Variants in MSN observed in about 807,000 individuals in gnomAD.
The protein encoded by MSN is epididymis luminal protein 70.
MSN carries 2 observed loss-of-function variants against 48.0 expected under a neutral mutation model. The ratio of observed to expected loss-of-function variants is 0.04; its 90% CI spans 0.02 to 0.13. The LOEUF is 0.13. Ranked by LOEUF, MSN falls within the 10% of genes least tolerant of loss-of-function variation. MSN has a pLI of 1.00. For synonymous variants in MSN, 146 were observed against 166.9 expected (o/e 0.87, Z 0.97); for missense variants, 267 against 470.1 (o/e 0.57, Z 3.99).
intron 1 of MSN, among the ~76,000 whole-genome samples, chrX:65,658,353 A>G (rs1478956013): frequency 1.8e-5 from 2 of 111,788 alleles, no homozygotes; most frequent in African/African-American, 6.5e-5. Context: ...CCCCAAGCTG[A>G]TATTTTTTCT....
intron 1 of MSN, among the ~76,000 whole-genome samples, chrX:65,707,228 G>C (rs759022832): frequency 2.7e-5 from 3 of 111,136 alleles, no homozygotes; most frequent in Non-Finnish European, 5.7e-5. Context: ...AGAGAACCCA[G>C]TTTGTTGAAG....
intron 1 of MSN, among the ~76,000 whole-genome samples, chrX:65,622,497 G>A (rs1171500696): frequency 9.6e-6 from 1 of 104,190 alleles, no homozygotes; most frequent in African/African-American, 3.6e-5. Context: ...CAGTGATGAA[G>A]CTAGGCATCT....
chrX:65,694,627 C>A (rs971201727), intron 1 of MSN, among the ~76,000 whole-genome samples: 33 of 112,381 alleles, frequency 2.9e-4, no homozygotes, highest in African/African-American at 9.1e-4. Flanking sequence ...CCACGCCCGG[C>A]ACTCTTTACG....
intron 1 of MSN, among the ~76,000 whole-genome samples, chrX:65,620,309 C>T (rs2070425818): frequency 8.9e-6 from 1 of 112,666 alleles, no homozygotes; most frequent in Admixed American, 9.3e-5. Flanking sequence ...CCCCCAGCCT[C>T]GCTGCCGCCC....
At chrX:65,623,210 T>A (rs2070468322) in intron 1 of MSN, among the ~76,000 whole-genome samples, 1 of 104,026 alleles carries the variant, frequency 9.6e-6, no homozygotes, top group South Asian at 3.9e-4. Context: ...TTAGTCTGTA[T>A]TTTTTTTTTA....
At chrX:65,641,137 A>T (rs2070646370) in intron 1 of MSN, among the ~76,000 whole-genome samples, 1 of 111,208 alleles carries the variant, frequency 9.0e-6, no homozygotes, top group African/African-American at 3.3e-5. Flanking sequence ...TTGGCATAAG[A>T]CAGAAATAAT....
At chrX:65,660,930 G>A (rs764491809) in intron 1 of MSN, among the ~76,000 whole-genome samples, 2 of 111,654 alleles carry the variant, frequency 1.8e-5, no homozygotes, top group East Asian at 2.8e-4. Context: ...GACGTTGGCT[G>A]TGGGTTTATG....
chrX:65,737,410 A>G (rs1203783365), intron 10 of MSN, 72 bp downstream of exon 10: 2 of 1,095,556 alleles, frequency 1.8e-6, no homozygotes, highest in Non-Finnish European at 2.4e-6. Flanking sequence ...ACTTATAGCT[A>G]CTTTTGCTTA....
chrX:65,663,384 C>T (rs969411931), upstream of MSN, among the ~76,000 whole-genome samples: 5 of 110,336 alleles, frequency 4.5e-5, no homozygotes, highest in East Asian at 1.4e-3. Context: ...GCAAATCTAA[C>T]CCACAATCTA....
At chrX:65,615,537 C>A (rs771597812) in intron 1 of MSN, among the ~76,000 whole-genome samples, 1 of 107,720 alleles carries the variant, frequency 9.3e-6, no homozygotes, top group African/African-American at 3.4e-5. Context: ...CCTTCGCCCA[C>A]TTTTTGATGG....
At chrX:65,654,098 C>A (rs1335006338) in intron 1 of MSN, among the ~76,000 whole-genome samples, 1 of 98,663 alleles carries the variant, frequency 1.0e-5, no homozygotes, top group Non-Finnish European at 2.0e-5. Flanking sequence ...TTTATGGAGA[C>A]CCTTCTTTTT....
At chrX:65,649,083 T>C (rs1193594385) in intron 1 of MSN, among the ~76,000 whole-genome samples, 2 of 107,943 alleles carry the variant, frequency 1.9e-5, no homozygotes, top group African/African-American at 6.7e-5. Context: ...TACTTCTTTT[T>C]ACTGGGAGGA....
At chrX:65,649,437 G>A (rs1212060553) in intron 1 of MSN, among the ~76,000 whole-genome samples, 7 of 101,388 alleles carry the variant, frequency 6.9e-5, no homozygotes, top group Admixed American at 5.5e-4. Flanking sequence ...TTAGCCAGGC[G>A]TGGTGGCGGG....
intron 1 of MSN, among the ~76,000 whole-genome samples, chrX:65,616,175 C>A (rs2070369851): frequency 1.8e-5 from 2 of 111,193 alleles, no homozygotes; most frequent in East Asian, 5.6e-4. Context: ...CTTAGGATTG[C>A]TTTGGTGATG....
chrX:65,739,839 C>T lies in MSN; in HGVS notation c.1680C>T (p.Arg560=), dbSNP rs2147521386. The change falls in exon 13 of 13, where the codon CGC becomes CGT. Residue 560 remains arginine (R), a synonymous_variant. Transcript: ENST00000360270. ...GCCGAGACAAATACAAGACCCTGCG[C>T]CAGATCCGGCAGGGCAACACCAAGC... ...RLGRDKYKTL[R]QIRQGNTKQR... The T allele has an allele frequency of 8.3e-7, 1 of 1,208,977 alleles. No homozygotes were observed. The highest frequency in any genetic ancestry group is 1.1e-6 in the Non-Finnish European group (1 of 894,826).
intron 6 of MSN, among the ~76,000 whole-genome samples, chrX:65,732,207 T>G (rs916381297): frequency 8.0e-5 from 9 of 111,849 alleles, no homozygotes; most frequent in African/African-American, 2.9e-4. Flanking sequence ...ATGGGGCTAT[T>G]GAACACTTGA....
At chrX:65,665,311 G>A (rs1055703840), upstream of MSN, among the ~76,000 whole-genome samples, 1 of 111,870 alleles carries the variant, frequency 8.9e-6, no homozygotes, top group African/African-American at 3.2e-5. Context: ...AAGGGCCAAT[G>A]GCAGTATTAA....
intron 2 of MSN, among the ~76,000 whole-genome samples, chrX:65,723,912 C>T (rs1015384213): frequency 9.9e-5 from 11 of 111,289 alleles, no homozygotes; most frequent in South Asian, 3.8e-4. Flanking sequence ...TATTACTCAT[C>T]TCTTTAAGCC....
intron 1 of MSN, among the ~76,000 whole-genome samples, chrX:65,614,622 C>T (rs1359648389): frequency 9.7e-6 from 1 of 103,406 alleles, no homozygotes; most frequent in Non-Finnish European, 2.0e-5. Flanking sequence ...ATTTTATTCT[C>T]TTGTAGCAAT....
Sources: allele counts gnomAD v4.1 joint callset (sites outside exome capture counted in the v4.1 genomes callset), GRCh38; gene constraint gnomAD v4.1.1; transcripts MANE v1.5; gene names NCBI Gene and HGNC (gene_info 2026-07-23, HGNC 2026-07-21).